Variants in CCL22 observed in about 807,000 individuals in gnomAD.
The protein encoded by CCL22 is C-C motif chemokine 22.
A neutral mutation model predicts 7.6 loss-of-function variants in CCL22; 7 were observed. The ratio of observed to expected loss-of-function variants is 0.92; its 90% CI spans 0.52 to 1.72. The LOEUF (loss-of-function observed/expected upper bound fraction) is 1.72. CCL22 is among the 40% of genes most tolerant of loss of function. CCL22 has a pLI of 0.00. For missense variants in CCL22, 115 were observed against 124.7 expected (o/e 0.92, Z 0.37); for synonymous variants, 55 against 47.2 (o/e 1.17, Z -0.68).
rs1371073734 is a variant in CCL22, at chr16:57,365,577, TA to T, written c.*1992del. The stretch of plus-strand genomic sequence containing the variant: ...CCATTCTCAGGTGGTTGGGCCAGGC[TA>T]AAGACTGGGATTTGGGTCTATCTAT... On this transcript the variant is annotated 3_prime_UTR_variant, in exon 3 of 3. Transcript: ENST00000219235. 6.6e-6 allele frequency: 1 copy of T among 152,212 alleles called. No individual in the cohort carries two copies. The allele number at this position is 152,212 out of a possible 1,614,324, so 9.4% of individuals were successfully genotyped here.
chr16:57,365,885 TGGA>T lies in CCL22; in HGVS notation c.*2303_*2305del, dbSNP rs1294504475. On this transcript the variant is annotated 3_prime_UTR_variant, in exon 3 of 3. Transcript: ENST00000219235. The stretch of plus-strand genomic sequence containing the variant: ...TGCAGGGTATTTGAACCTGTGGAAT[TGGA>T]GGAGGCCATTTCACTCCCTGAACCC... 2 of 152,246 alleles carry T rather than the reference TGGA, an allele frequency of 1.3e-5. No homozygotes were observed. Among genetic ancestry groups the T allele is most frequent in the African/African-American group, 4.8e-5 (2 of 41,442 alleles). The allele number at this position is 152,246 out of a possible 1,614,324, so 9.4% of individuals were successfully genotyped here.
intron 2 of CCL22, among the ~76,000 whole-genome samples, chr16:57,361,802 C>T (rs1383960075): frequency 6.6e-6 from 1 of 152,148 alleles, no homozygotes; most frequent in Non-Finnish European, 1.5e-5. Context: ...ATTATCTTCT[C>T]ATCTTCCTCC....
chr16:57,363,030 T>C (rs1457216594), intron 2 of CCL22, among the ~76,000 whole-genome samples: 2 of 151,926 alleles, frequency 1.3e-5, no homozygotes, highest in Non-Finnish European at 2.9e-5. Context: ...TCTCATTCTG[T>C]TGCCTAGGCT....
At chr16:57,357,927 C>G (rs1381262039), upstream of CCL22, among the ~76,000 whole-genome samples, 1 of 152,148 alleles carries the variant, frequency 6.6e-6, no homozygotes, top group East Asian at 1.9e-4. Flanking sequence ...CGGGACCTGC[C>G]TTTAGGTGAA....
chr16:57,358,315 A>G (rs1026123291), upstream of CCL22, among the ~76,000 whole-genome samples: 2 of 152,232 alleles, frequency 1.3e-5, no homozygotes, highest in African/African-American at 4.8e-5. Context: ...CAATGGGTCC[A>G]TAGGCCTCTC....
upstream of CCL22, among the ~76,000 whole-genome samples, chr16:57,358,430 C>A (rs1433087785): frequency 6.6e-6 from 1 of 152,198 alleles, no homozygotes; most frequent in Non-Finnish European, 1.5e-5. Context: ...CCAGTGAAGT[C>A]AACAGAGCTG....
intron 2 of CCL22, among the ~76,000 whole-genome samples, chr16:57,361,864 A>T (rs1387728552): frequency 6.6e-6 from 1 of 152,170 alleles, no homozygotes; most frequent in Non-Finnish European, 1.5e-5. Flanking sequence ...AATAATAAAA[A>T]AGGCTGAAGC....
intron 2 of CCL22, among the ~76,000 whole-genome samples, chr16:57,362,433 T>C (rs949914421): frequency 2.0e-5 from 3 of 152,066 alleles, no homozygotes; most frequent in South Asian, 2.1e-4. Flanking sequence ...CAAGCCTCAA[T>C]AGAGTGAGAC....
intron 1 of CCL22, among the ~76,000 whole-genome samples, chr16:57,359,270 C>T (rs990673155): frequency 9.9e-5 from 15 of 152,010 alleles, no homozygotes; most frequent in African/African-American, 3.4e-4. Context: ...GTGCTGCCCT[C>T]CCACCATCCA....
In CCL22 at chr16:57,358,816, C is replaced by A; in HGVS notation, c.-1C>A. The A allele has an allele frequency of 6.2e-7, 1 of 1,611,784 alleles. No homozygotes were observed. The highest frequency in any genetic ancestry group is 8.5e-7 in the Non-Finnish European group (1 of 1,177,888). On this transcript the variant is annotated 5_prime_UTR_variant, in exon 1 of 3. Transcript: ENST00000219235. ...CTGGGCTGAGACATACAGGACAGAG[C>A]ATGGATCGCCTACAGACTGCACTCC...
upstream of CCL22, chr16:57,358,656 G>A (rs1187022641): frequency 1.7e-5 from 11 of 647,388 alleles, no homozygotes; most frequent in Non-Finnish European, 2.5e-5. Flanking sequence ...GGAGGAAGTG[G>A]GAGGTAGTTC....
At chr16:57,358,964 A>G in intron 1 of CCL22, 75 bp downstream of exon 1, 3 of 1,162,904 alleles carry the variant, frequency 2.6e-6, no homozygotes, top group Non-Finnish European at 3.9e-6. Flanking sequence ...TGTCTTGGAC[A>G]AGCACTGGAC....
intron 1 of CCL22, among the ~76,000 whole-genome samples, chr16:57,359,304 ATTT>A (rs1902022845): frequency 6.6e-6 from 1 of 151,840 alleles, no homozygotes; most frequent in East Asian, 1.9e-4. Context: ...TATTATTATT[ATTT>A]TTTATTTTAT....
At chr16:57,363,275 G>C (rs1466765914) in intron 2 of CCL22, among the ~76,000 whole-genome samples, 2 of 152,158 alleles carry the variant, frequency 1.3e-5, no homozygotes, top group Admixed American at 1.3e-4. Flanking sequence ...GATTACAGGC[G>C]TGAACTCCTG....
At chr16:57,357,917 C>T (rs117903829), upstream of CCL22, among the ~76,000 whole-genome samples, 54 of 152,218 alleles carry the variant, frequency 3.5e-4, no homozygotes, top group East Asian at 9.7e-3. Flanking sequence ...GACAGGAGCC[C>T]GGGACCTGCC....
chr16:57,361,813 T>A (rs1902053326), intron 2 of CCL22, among the ~76,000 whole-genome samples: 1 of 152,102 alleles, frequency 6.6e-6, no homozygotes, highest in Non-Finnish European at 1.5e-5. Context: ...ATCTTCCTCC[T>A]CCTTATTGCT....
Position 57,363,501 on chromosome 16 carries a change from C to T in CCL22, c.198-3C>T, listed in dbSNP as rs760131998. 2 of 1,607,216 alleles carry T rather than the reference C, an allele frequency of 1.2e-6. No individual in the cohort carries two copies. Among genetic ancestry groups the T allele is most frequent in the Non-Finnish European group, 1.7e-6 (2 of 1,173,940 alleles). ...CATTGTCTCTGGGGTCTCCTTCTTCCAGGTTGCTAACCTTCAGGGATAAGG... is the reference window on the plus strand; with the variant it reads ...CATTGTCTCTGGGGTCTCCTTCTTCTAGGTTGCTAACCTTCAGGGATAAGG... On this transcript the variant is annotated splice_region_variant and splice_polypyrimidine_tract_variant and intron_variant, in intron 2 of 2. Coordinates refer to ENST00000219235, the MANE Select transcript of CCL22 (RefSeq NM_002990.5).
chr16:57,359,949 C>A (rs1323208124), intron 1 of CCL22, among the ~76,000 whole-genome samples: 1 of 152,190 alleles, frequency 6.6e-6, no homozygotes, highest in Non-Finnish European at 1.5e-5. Context: ...CCATTTTTGT[C>A]CAGAACCTGT....
chr16:57,358,483 A>T (rs1282897320), upstream of CCL22, among the ~76,000 whole-genome samples: 1 of 152,244 alleles, frequency 6.6e-6, no homozygotes, highest in African/African-American at 2.4e-5. Context: ...ACCAAGTCCC[A>T]GAGACACCCA....
Sources: allele counts gnomAD v4.1 joint callset (sites outside exome capture counted in the v4.1 genomes callset), GRCh38; gene constraint gnomAD v4.1.1; transcripts MANE v1.5; gene names NCBI Gene and HGNC (gene_info 2026-07-23, HGNC 2026-07-21).